HYDIN: variants seen among roughly 807,000 people sequenced by gnomAD.
HYDIN encodes axonemal central pair apparatus protein HYDIN.
HYDIN carries 132 observed loss-of-function variants against 403.9 expected under a neutral mutation model. The ratio of observed to expected loss-of-function variants is 0.33; its 90% CI spans 0.28 to 0.38. The LOEUF is 0.38. Ranked by LOEUF, HYDIN falls within the 10% of genes least tolerant of loss-of-function variation. The pLI is 1.00. For missense variants in HYDIN, 2,827 were observed against 5,009.5 expected (o/e 0.56, Z 13.15); for synonymous variants, 1,202 against 1,891.7 (o/e 0.64, Z 9.46).
At chr16:70,960,752 C>T (rs1173629735) in intron 38 of HYDIN, among the ~76,000 whole-genome samples, 3 of 152,172 alleles carry the variant, frequency 2.0e-5, no homozygotes, top group Non-Finnish European at 4.4e-5. Context: ...AGTGCAATGG[C>T]ACAATCTTGG....
chr16:70,842,006 G>A (rs2037860844), intron 75 of HYDIN, among the ~76,000 whole-genome samples: 1 of 150,830 alleles, frequency 6.6e-6, no homozygotes, highest in African/African-American at 2.5e-5. Context: ...AAGATGATGT[G>A]TTAGGCTGGG....
intron 10 of HYDIN, among the ~76,000 whole-genome samples, chr16:71,114,386 T>C (rs971164595): frequency 6.6e-6 from 1 of 150,476 alleles, no homozygotes; most frequent in Non-Finnish European, 1.5e-5. Flanking sequence ...TGCTGTCTTC[T>C]GTGTCATTTC....
intron 6 of HYDIN, among the ~76,000 whole-genome samples, chr16:71,156,279 T>C (rs1221551676): frequency 6.6e-6 from 1 of 152,176 alleles, no homozygotes; most frequent in Non-Finnish European, 1.5e-5. Context: ...ACAAACTTCT[T>C]CAGTAGTTAT....
intron 28 of HYDIN, among the ~76,000 whole-genome samples, chr16:70,982,628 CCTTTT>C (rs1386429816): frequency 7.0e-6 from 1 of 142,462 alleles, no homozygotes; most frequent in Non-Finnish European, 1.5e-5. Flanking sequence ...TTTTCGTCTT[CCTTTT>C]CTTTTCATTT....
intron 80 of HYDIN, among the ~76,000 whole-genome samples, chr16:70,831,242 G>A (rs1359834530): frequency 6.6e-6 from 1 of 151,970 alleles, no homozygotes; most frequent in African/African-American, 2.4e-5. Context: ...AGGCTTGGTG[G>A]CTCATGCCTG....
chr16:70,897,875 A>T (rs973638935), intron 53 of HYDIN, among the ~76,000 whole-genome samples: 24 of 151,874 alleles, frequency 1.6e-4, no homozygotes, highest in African/African-American at 5.8e-4. Flanking sequence ...AGTTGTGAAA[A>T]TACAAAAATG....
rs565084601 is a variant in HYDIN, at chr16:70,893,227, A to C, written c.9249-698T>G. Among the ~76,000 whole-genome samples, 3 of 152,288 alleles carry C rather than the reference A, an allele frequency of 2.0e-5. No individual in the cohort carries two copies. The East Asian group carries it at 5.8e-4, about 29-fold the overall frequency. On this transcript the variant is annotated intron_variant, in intron 55 of 85. Coordinates refer to ENST00000393567, the MANE Select transcript of HYDIN (RefSeq NM_001270974.2). ...CCTGTTCCAACCTGAGAGTGACTCCATTCCATGCAACCTCAAAGAGCACAG... is the reference window on the plus strand; with the variant it reads ...CCTGTTCCAACCTGAGAGTGACTCCCTTCCATGCAACCTCAAAGAGCACAG...
intron 21 of HYDIN, among the ~76,000 whole-genome samples, chr16:71,022,946 C>T (rs2080551018): frequency 6.6e-6 from 1 of 151,770 alleles, no homozygotes; most frequent in Admixed American, 6.6e-5. Context: ...ACTACCCACA[C>T]ATTTTTATTA....
At chr16:71,224,584 C>G (rs552927320) in intron 1 of HYDIN, among the ~76,000 whole-genome samples, 3 of 112,764 alleles carry the variant, frequency 2.7e-5, no homozygotes, top group Non-Finnish European at 5.1e-5. Context: ...TTTTTTGAGA[C>G]GGAGTCTCGC....
intron 2 of HYDIN, among the ~76,000 whole-genome samples, 185 bp downstream of exon 2, chr16:71,186,576 T>C (rs2087161443): frequency 6.6e-6 from 1 of 152,158 alleles, no homozygotes. Flanking sequence ...GAAGTATGTA[T>C]GCAATTTCAA....
At chr16:71,216,474 A>G (rs1255065086) in intron 1 of HYDIN, among the ~76,000 whole-genome samples, 1 of 152,170 alleles carries the variant, frequency 6.6e-6, no homozygotes, top group Non-Finnish European at 1.5e-5. Context: ...AATGACTGTA[A>G]AGGTCAGGAT....
chr16:70,875,057 T>C (rs560701156), intron 62 of HYDIN, 138 bp from the exon 63 acceptor site: 1 of 1,013,248 alleles, frequency 9.9e-7, no homozygotes, highest in African/African-American at 1.6e-5. Flanking sequence ...TTTGAATTTC[T>C]TAAGAGAGAT....
At chr16:70,818,317 G>T (rs758965379) in intron 84 of HYDIN, 25 bp downstream of exon 84, 28 of 1,541,468 alleles carry the variant, frequency 1.8e-5, no homozygotes, top group Admixed American at 3.5e-5. Flanking sequence ...CTCTCAGGGA[G>T]CCCCCGACAG....
intron 2 of HYDIN, 120 bp from the exon 3 acceptor site, chr16:71,185,110 ACT>A (rs1461733375): frequency 9.3e-6 from 5 of 537,336 alleles, no homozygotes; most frequent in Non-Finnish European, 1.5e-5. Flanking sequence ...CTGGAATGCC[ACT>A]AAGTTCCCTT....
chr16:70,872,846 C>T (rs2040221486), intron 64 of HYDIN, among the ~76,000 whole-genome samples: 3 of 151,370 alleles, frequency 2.0e-5, no homozygotes, highest in African/African-American at 7.3e-5. Flanking sequence ...ATCCATCATC[C>T]ACCCACCCAT....
At chr16:70,834,998 A>ATATATGTGTG (rs1491299739) in intron 78 of HYDIN, among the ~76,000 whole-genome samples, 3 of 143,116 alleles carry the variant, frequency 2.1e-5, no homozygotes, top group African/African-American at 8.2e-5. Flanking sequence ...ATATACACAC[A>ATATATGTGTG]TATATATATA....
At chr16:70,949,582 A>G (rs1481411198) in intron 41 of HYDIN, among the ~76,000 whole-genome samples, 1 of 152,250 alleles carries the variant, frequency 6.6e-6, no homozygotes, top group Non-Finnish European at 1.5e-5. Context: ...ATTATGTAAT[A>G]TACTTACACA....
rs1176879509 is a variant in HYDIN at position 70,818,471 on chromosome 16, T to C, written c.14529A>G (p.Pro4843=). The part of the protein sequence containing the change: ...GIIKTIEMVT[P]VRQVASASIK... Reference sequence around the variant, plus strand: ...TGGAGGCTGACGCAACTTGCCGGACTGGGGTCACCATCTCGATGGTTTTGA... The same window carrying C: ...TGGAGGCTGACGCAACTTGCCGGACCGGGGTCACCATCTCGATGGTTTTGA... Residue 4843 remains proline, a synonymous_variant, in exon 84 of 86, where the codon CCA becomes CCG. Transcript: ENST00000393567. 1.3e-6 allele frequency: 2 copies of C among 1,530,838 alleles called. No homozygotes were observed. The highest frequency in any genetic ancestry group is 1.8e-6 in the Non-Finnish European group (2 of 1,115,890). The allele number at this position is 1,530,838 out of a possible 1,614,324, so 94.8% of individuals were successfully genotyped here.
intron 1 of HYDIN, among the ~76,000 whole-genome samples, chr16:71,228,365 T>C (rs1343983611): frequency 6.6e-6 from 1 of 151,920 alleles, no homozygotes; most frequent in Non-Finnish European, 1.5e-5. Context: ...ACCATCAGAG[T>C]GAACAGGCAA....
Sources: allele counts gnomAD v4.1 joint callset (sites outside exome capture counted in the v4.1 genomes callset), GRCh38; gene constraint gnomAD v4.1.1; transcripts MANE v1.5; gene names NCBI Gene and HGNC (gene_info 2026-07-23, HGNC 2026-07-21).